Variants in ARMC8 observed in about 807,000 individuals in gnomAD.
ARMC8 encodes the protein armadillo repeat-containing protein 8.
In ARMC8, 20 loss-of-function variants were observed where a neutral mutation model predicts 99.3. The ratio of observed to expected loss-of-function variants is 0.20; its 90% CI spans 0.14 to 0.29. ARMC8 has a LOEUF of 0.29. ARMC8 is among the 10% of genes least tolerant of loss of function. The pLI is 1.00. For synonymous variants in ARMC8, 263 were observed against 278.3 expected (o/e 0.95, Z 0.55); for missense variants, 569 against 809.5 (o/e 0.70, Z 3.60).
chr3:138,236,641 G>C (rs1301854629), intron 7 of ARMC8, among the ~76,000 whole-genome samples: 1 of 151,968 alleles, frequency 6.6e-6, no homozygotes, highest in African/African-American at 2.4e-5. Context: ...TACCTATCCT[G>C]TGAGTGCTTG....
At chr3:138,294,941 C>T (rs1200583154) in intron 21 of ARMC8, among the ~76,000 whole-genome samples, 9 of 150,754 alleles carry the variant, frequency 6.0e-5, no homozygotes, top group African/African-American at 2.2e-4. Flanking sequence ...TCTTGTCGCA[C>T]AGGCTGGAGT....
chr3:138,216,991 C>T (rs2045086384), intron 2 of ARMC8, among the ~76,000 whole-genome samples: 1 of 152,180 alleles, frequency 6.6e-6, no homozygotes, highest in Non-Finnish European at 1.5e-5. Context: ...TTTAGCTACA[C>T]ATTACCTACC....
intron 19 of ARMC8, among the ~76,000 whole-genome samples, chr3:138,288,275 A>G (rs967094514): frequency 9.2e-5 from 14 of 152,222 alleles, no homozygotes; most frequent in African/African-American, 3.4e-4. Flanking sequence ...GGGCCATTTG[A>G]ATAAGATAAC....
chr3:138,251,507 A>T (rs1261661183), intron 12 of ARMC8, among the ~76,000 whole-genome samples: 1 of 152,230 alleles, frequency 6.6e-6, no homozygotes, highest in Non-Finnish European at 1.5e-5. Context: ...TTCGGATTTC[A>T]TAATTCCTTG....
At chr3:138,257,824 C>T (rs750567172) in intron 12 of ARMC8, among the ~76,000 whole-genome samples, 5 of 152,160 alleles carry the variant, frequency 3.3e-5, no homozygotes, top group Non-Finnish European at 7.3e-5. Flanking sequence ...TGTTATACGT[C>T]CTTTTTCCTT....
intron 1 of ARMC8, among the ~76,000 whole-genome samples, chr3:138,192,316 T>C (rs185722851): frequency 1.3e-5 from 2 of 150,260 alleles, no homozygotes; most frequent in East Asian, 1.9e-4. Flanking sequence ...CTCCCTCTGT[T>C]GCCCAGGCAG....
rs116648980 is a variant in ARMC8, at chr3:138,200,503, A to G, written c.46-9314A>G. Among the ~76,000 whole-genome samples, 420 of 152,300 alleles carry G rather than the reference A, an allele frequency of 2.8e-3. 3 individuals are homozygous for G. The highest frequency in any genetic ancestry group is 9.7e-3 in the African/African-American group (405 of 41,566). On this transcript the variant is annotated intron_variant, in intron 1 of 21. Coordinates refer to ENST00000469044, the MANE Select transcript of ARMC8 (RefSeq NM_001363941.2). Reference sequence around the variant, plus strand: ...ATTATACTCTAGGTTTTTTGCCTACATGACTGGAGAGTGGAAAGTTGGGGG... The same window carrying G: ...ATTATACTCTAGGTTTTTTGCCTACGTGACTGGAGAGTGGAAAGTTGGGGG...
chr3:138,246,135 A>C, intron 12 of ARMC8: 1 of 985,586 alleles, frequency 1.0e-6, no homozygotes, highest in Non-Finnish European at 1.2e-6. Flanking sequence ...AGTATGGAAC[A>C]ACCTTACATT....
chr3:138,269,904 C>A, intron 15 of ARMC8, 136 bp from the exon 16 acceptor site: 2 of 224,854 alleles, frequency 8.9e-6, no homozygotes, highest in Non-Finnish European at 8.7e-6. Context: ...ATGGCTACAT[C>A]ACTCCCTGCT....
Position 138,241,148 on chromosome 3 carries a change from T to G in ARMC8, c.838-635T>G, listed in dbSNP as rs1420669066. 2.0e-5 allele frequency among the ~76,000 whole-genome samples: 3 copies of G among 152,346 alleles called. 1 individual carries two copies. The highest frequency in any genetic ancestry group is 3.9e-4 in the East Asian group (2 of 5,190). ...CCATTGCCAAGATTTTTGAGGGACCTCAGAAGTAAAATTGGACTCATGGAT... is the reference window on the plus strand; with the variant it reads ...CCATTGCCAAGATTTTTGAGGGACCGCAGAAGTAAAATTGGACTCATGGAT... On this transcript the variant is annotated intron_variant, in intron 10 of 21. Coordinates refer to ENST00000469044, the MANE Select transcript of ARMC8 (RefSeq NM_001363941.2).
chr3:138,204,470 C>G (rs2044252074), intron 1 of ARMC8, among the ~76,000 whole-genome samples: 1 of 152,202 alleles, frequency 6.6e-6, no homozygotes, highest in African/African-American at 2.4e-5. Flanking sequence ...ACTTCTCCCT[C>G]TAGCTACTAT....
At chr3:138,259,629 C>CTGCTA (rs1313554747) in intron 12 of ARMC8, among the ~76,000 whole-genome samples, 1 of 152,184 alleles carries the variant, frequency 6.6e-6, no homozygotes, top group Non-Finnish European at 1.5e-5. Context: ...TTCAGGCCTT[C>CTGCTA]TGCTATAGAC....
At chr3:138,269,908 C>T (rs1037401839) in intron 15 of ARMC8, 132 bp from the exon 16 acceptor site, 2 of 350,114 alleles carry the variant, frequency 5.7e-6, no homozygotes, top group African/African-American at 2.2e-5. Context: ...CTACATCACT[C>T]CCTGCTTTGC....
At chr3:138,287,593 G>A in intron 19 of ARMC8, 1 of 455,986 alleles carries the variant, frequency 2.2e-6, no homozygotes, top group Non-Finnish European at 4.4e-6. Context: ...GATTGTCTGA[G>A]GCTGGGAGCA....
In ARMC8 at chr3:138,223,619, C is replaced by T. The variant is rs2045523143; in HGVS notation, c.338-17C>T. 1 of 1,613,798 alleles carries T rather than the reference C, an allele frequency of 6.2e-7. No individual in the cohort carries two copies. Among genetic ancestry groups the T allele is most frequent in the East Asian group, 2.2e-5 (1 of 44,890 alleles). On this transcript the variant is annotated splice_polypyrimidine_tract_variant and intron_variant, in intron 4 of 21. Coordinates refer to ENST00000469044, the MANE Select transcript of ARMC8 (RefSeq NM_001363941.2). ...CTGGTTGAAAGGATTAGTCCTAAAT[C>T]TCATTTCTGTTAATAGGACTACTGT...
At chr3:138,253,373 G>A (rs1223072223) in intron 12 of ARMC8, among the ~76,000 whole-genome samples, 1 of 152,122 alleles carries the variant, frequency 6.6e-6, no homozygotes, top group Non-Finnish European at 1.5e-5. Flanking sequence ...CAGGAAATCA[G>A]CAATTTGACC....
chr3:138,249,090 TAATA>T (rs1393467024), intron 12 of ARMC8, among the ~76,000 whole-genome samples: 1 of 152,168 alleles, frequency 6.6e-6, no homozygotes, highest in East Asian at 1.9e-4. Context: ...AGTTGACACT[TAATA>T]AATAATTGAT....
chr3:138,244,231 C>T (rs1398993208), intron 11 of ARMC8, among the ~76,000 whole-genome samples: 1 of 152,086 alleles, frequency 6.6e-6, no homozygotes, highest in Middle Eastern at 3.4e-3. Flanking sequence ...TAAGCATTTT[C>T]ACAATGGGTT....
At chr3:138,280,497 CT>C (rs1039909334) in intron 18 of ARMC8, among the ~76,000 whole-genome samples, 178 of 107,064 alleles carry the variant, frequency 1.7e-3, no homozygotes, top group Non-Finnish European at 2.4e-3. Context: ...TCTTTTTTTT[CT>C]TTTTTTTTTT....
Sources: allele counts gnomAD v4.1 joint callset (sites outside exome capture counted in the v4.1 genomes callset), GRCh38; gene constraint gnomAD v4.1.1; transcripts MANE v1.5; gene names NCBI Gene and HGNC (gene_info 2026-07-23, HGNC 2026-07-21).